SH3RF3: variants seen among roughly 807,000 people sequenced by gnomAD.
SH3RF3 encodes E3 ubiquitin-protein ligase SH3RF3.
SH3RF3 carries 29 observed loss-of-function variants against 66.3 expected under a neutral mutation model. The ratio of observed to expected loss-of-function variants is 0.44; its 90% CI spans 0.33 to 0.60. The LOEUF is 0.60. Among genes scored for constraint, SH3RF3 ranks in the 20% least tolerant of loss-of-function variants. The pLI is 0.04. For synonymous variants in SH3RF3, 583 were observed against 532.0 expected, an observed-to-expected ratio of 1.10 and a Z score of -1.32; for missense variants, 1,194 against 1,190.9, an observed-to-expected ratio of 1.00 and a Z score of -0.04.
At chr2:109,367,183 C>T (rs184197646) in intron 2 of SH3RF3, among the ~76,000 whole-genome samples, 3 of 146,880 alleles carry the variant, frequency 2.0e-5, no homozygotes, top group South Asian at 2.2e-4. Context: ...AGACTGGTCT[C>T]GAACTCCTGG....
intron 1 of SH3RF3, among the ~76,000 whole-genome samples, chr2:109,214,354 G>GGGCAGCAGGAGGCCGGGGC (rs1283794461): frequency 6.6e-6 from 1 of 152,124 alleles, no homozygotes; most frequent in Non-Finnish European, 1.5e-5. Context: ...GGGGCTGTGG[G>GGGCAGCAGGAGGCCGGGGC]GGCAGCAGGA....
At chr2:109,251,596 A>G in intron 1 of SH3RF3, 1 of 1,004,752 alleles carries the variant, frequency 1.0e-6, no homozygotes, top group South Asian at 1.3e-5. Context: ...CAATATTGGA[A>G]TGGTGGTAAT....
At chr2:109,424,592 T>C (rs7561741) in intron 5 of SH3RF3, among the ~76,000 whole-genome samples, 82,174 of 152,092 alleles carry the variant, frequency 0.54, 22,487 homozygotes, top group African/African-American at 0.6. Flanking sequence ...CGGTAATTCT[T>C]ATAATATTTC....
chr2:109,306,231 C>A (rs1477560220), intron 1 of SH3RF3, among the ~76,000 whole-genome samples: 1 of 152,192 alleles, frequency 6.6e-6, no homozygotes, highest in South Asian at 2.1e-4. Context: ...CAGATGCAGA[C>A]CCCAGGAAGT....
intron 3 of SH3RF3, among the ~76,000 whole-genome samples, chr2:109,394,318 C>T (rs1676083859): frequency 6.6e-6 from 1 of 152,170 alleles, no homozygotes; most frequent in African/African-American, 2.4e-5. Context: ...GCGGGGTCCC[C>T]TGTGGGATGG....
chr2:109,339,415 C>T (rs1682505564), intron 1 of SH3RF3, among the ~76,000 whole-genome samples: 1 of 152,168 alleles, frequency 6.6e-6, no homozygotes, highest in African/African-American at 2.4e-5. Flanking sequence ...CTCTTCCCTC[C>T]TGTCCTCTTG....
At chr2:109,331,836 G>T (rs1001395581) in intron 1 of SH3RF3, among the ~76,000 whole-genome samples, 1 of 152,106 alleles carries the variant, frequency 6.6e-6, no homozygotes, top group Admixed American at 6.5e-5. Flanking sequence ...TTTGCCAGGG[G>T]CACCCTGTCA....
In SH3RF3 at chr2:109,399,448, G is replaced by GT. The variant is rs11306985; in HGVS notation, c.1299+517dup. ...CTATTTCTAGACTCCATTTCCACTA[G>GT]TTTTTTTTTTTTGTAAATTGAAGTA... On this transcript the variant is annotated intron_variant, in intron 4 of 9. Coordinates refer to ENST00000309415, the MANE Select transcript of SH3RF3 (RefSeq NM_001099289.3). 5.6e-3 allele frequency among the ~76,000 whole-genome samples: 830 copies of GT among 147,654 alleles called. 2 individuals are homozygous for GT. The highest frequency in any genetic ancestry group is 0.016 in the African/African-American group (663 of 40,356).
chr2:109,372,008 C>T (rs1214486756), intron 3 of SH3RF3, among the ~76,000 whole-genome samples: 2 of 152,166 alleles, frequency 1.3e-5, no homozygotes, highest in Non-Finnish European at 2.9e-5. Flanking sequence ...TTCTCCAACT[C>T]CCCCAAGTGC....
intron 1 of SH3RF3, among the ~76,000 whole-genome samples, chr2:109,317,286 C>A (rs1047234946): frequency 1.3e-5 from 2 of 152,146 alleles, no homozygotes; most frequent in Non-Finnish European, 2.9e-5. Flanking sequence ...AAGTCTTGCC[C>A]ATGGTGACAG....
intron 1 of SH3RF3, among the ~76,000 whole-genome samples, chr2:109,148,345 G>A (rs7606472): frequency 0.4 from 61,574 of 152,180 alleles, 14,667 homozygotes; most frequent in South Asian, 0.54. Context: ...AGCGCCATCC[G>A]TGGTTCTTCA....
intron 3 of SH3RF3, among the ~76,000 whole-genome samples, chr2:109,372,006 C>A (rs1683283250): frequency 6.6e-6 from 1 of 152,216 alleles, no homozygotes; most frequent in Non-Finnish European, 1.5e-5. Context: ...GCTTCTCCAA[C>A]TCCCCCAAGT....
intron 1 of SH3RF3, among the ~76,000 whole-genome samples, chr2:109,145,575 C>G (rs1677074973): frequency 6.6e-6 from 1 of 152,236 alleles, no homozygotes. Context: ...TCCGGGGGGC[C>G]TCACTGTTGC....
chr2:109,331,603 AC>A (rs1192658800), intron 1 of SH3RF3, among the ~76,000 whole-genome samples: 1 of 152,090 alleles, frequency 6.6e-6, no homozygotes, highest in Non-Finnish European at 1.5e-5. Context: ...TCACTATACT[AC>A]GTACTTTTAA....
At chr2:109,281,641 A>G (rs115368852) in intron 1 of SH3RF3, among the ~76,000 whole-genome samples, 1,645 of 152,216 alleles carry the variant, frequency 0.011, 44 homozygotes, top group African/African-American at 0.037. Context: ...ATTTGAGTAT[A>G]AGTGTTTAGA....
At chr2:109,432,410 C>T (rs1282344119) in intron 5 of SH3RF3, 91 bp from the exon 6 acceptor site, 3 of 1,521,014 alleles carry the variant, frequency 2.0e-6, no homozygotes, top group African/African-American at 2.8e-5. Flanking sequence ...AGGTTGGGTT[C>T]CTCCAAAGAC....
intron 4 of SH3RF3, among the ~76,000 whole-genome samples, chr2:109,406,134 G>A (rs1045678439): frequency 2.0e-5 from 3 of 152,168 alleles, no homozygotes; most frequent in East Asian, 1.9e-4. Context: ...CTTCCTCTGC[G>A]ACTGGGAGAG....
At chr2:109,150,879 A>G (rs1349370729) in intron 1 of SH3RF3, among the ~76,000 whole-genome samples, 2 of 152,236 alleles carry the variant, frequency 1.3e-5, no homozygotes, top group Non-Finnish European at 2.9e-5. Context: ...AAATATGGGC[A>G]TATAAGTCAG....
chr2:109,409,253 G>A (rs1676527170), intron 4 of SH3RF3, among the ~76,000 whole-genome samples: 1 of 152,186 alleles, frequency 6.6e-6, no homozygotes, highest in African/African-American at 2.4e-5. Context: ...AGGGGAAGAG[G>A]TTCATCTTCT....
Sources: gnomAD v4.1 joint callset for allele counts (sites outside exome capture counted in the v4.1 genomes callset) on GRCh38, gnomAD v4.1.1 for gene constraint, MANE v1.5 for transcripts, NCBI Gene and HGNC (gene_info 2026-07-23, HGNC 2026-07-21) for gene names.